TCEA1: variants seen among roughly 807,000 people sequenced by gnomAD.
TCEA1 encodes the protein transcription elongation factor A protein 1.
Under a neutral mutation model 43.8 loss-of-function variants are expected in TCEA1, and 21 were observed. The observed-to-expected ratio is 0.48, with a 90% CI of 0.34 to 0.69. The LOEUF is 0.69. Ranked by LOEUF, TCEA1 falls within the 30% of genes least tolerant of loss-of-function variation. The pLI, the probability that TCEA1 is intolerant of heterozygous loss-of-function variation, is 0.01. For missense variants in TCEA1, 250 were observed against 365.1 expected (o/e 0.68, Z 2.57); for synonymous variants, 104 against 117.5 (o/e 0.88, Z 0.75).
At chr8:53,999,638 G>A (rs1804189365) in intron 3 of TCEA1, 1 of 295,106 alleles carries the variant, frequency 3.4e-6, no homozygotes, top group Non-Finnish European at 6.2e-6. Flanking sequence ...TTTTCTGTAA[G>A]TCAAAAAATT....
At chr8:53,997,565 A>G (rs901914818) in intron 3 of TCEA1, among the ~76,000 whole-genome samples, 2 of 152,212 alleles carry the variant, frequency 1.3e-5, no homozygotes, top group African/African-American at 4.8e-5. Context: ...AATCATGAGA[A>G]AAAAGCAGGT....
intron 8 of TCEA1, among the ~76,000 whole-genome samples, chr8:53,975,608 A>G (rs960716596): frequency 2.0e-5 from 3 of 152,208 alleles, no homozygotes; most frequent in African/African-American, 7.2e-5. Context: ...AACCTTGCAG[A>G]TATTATGCTA....
intron 2 of TCEA1, among the ~76,000 whole-genome samples, chr8:54,005,576 C>T (rs1804412089): frequency 6.6e-6 from 1 of 152,160 alleles, no homozygotes; most frequent in South Asian, 2.1e-4. Context: ...CTAAATGGCA[C>T]CATCTACCCA....
chr8:54,008,738 A>T (rs1015232731), intron 2 of TCEA1, among the ~76,000 whole-genome samples: 1 of 152,062 alleles, frequency 6.6e-6, no homozygotes, highest in African/African-American at 2.4e-5. Flanking sequence ...GTCAACAGGT[A>T]TAAGAAAAAA....
At chr8:54,010,262 G>A in intron 2 of TCEA1, 168 bp downstream of exon 2, 1 of 573,506 alleles carries the variant, frequency 1.7e-6, no homozygotes, top group South Asian at 2.2e-5. Context: ...CTCTATAATG[G>A]CAACTTAGTA....
intron 1 of TCEA1, among the ~76,000 whole-genome samples, chr8:54,021,180 A>G (rs1805012890): frequency 6.6e-6 from 1 of 152,074 alleles, no homozygotes; most frequent in Non-Finnish European, 1.5e-5. Context: ...CAAGAGTTAA[A>G]CTCCGTCTCG....
chr8:53,989,927 G>A (rs899169889), intron 4 of TCEA1, among the ~76,000 whole-genome samples: 1 of 152,004 alleles, frequency 6.6e-6, no homozygotes, highest in Non-Finnish European at 1.5e-5. Flanking sequence ...ATGCCACCAT[G>A]CCCAGTTAAT....
intron 8 of TCEA1, among the ~76,000 whole-genome samples, chr8:53,971,033 A>G (rs755834487): frequency 2.6e-5 from 4 of 152,242 alleles, no homozygotes; most frequent in Non-Finnish European, 4.4e-5. Flanking sequence ...TAATTTTATA[A>G]CAGCACAACA....
chr8:54,007,535 G>C (rs947861391), intron 2 of TCEA1, among the ~76,000 whole-genome samples: 3 of 152,062 alleles, frequency 2.0e-5, no homozygotes, highest in Non-Finnish European at 2.9e-5. Flanking sequence ...ACAATAATGA[G>C]CAATTTCAAT....
chr8:53,973,546 CA>C (rs1273399193), intron 8 of TCEA1: 5 of 521,000 alleles, frequency 9.6e-6, no homozygotes, highest in Non-Finnish European at 1.8e-5. Flanking sequence ...AAGAAGAAAC[CA>C]AAATAGAAAG....
intron 7 of TCEA1, among the ~76,000 whole-genome samples, chr8:53,980,375 G>C (rs1803466279): frequency 6.6e-6 from 1 of 152,190 alleles, no homozygotes; most frequent in African/African-American, 2.4e-5. Flanking sequence ...GCACTTTGCA[G>C]TTACTGCATT....
intron 3 of TCEA1, among the ~76,000 whole-genome samples, chr8:53,995,868 T>C (rs1804037508): frequency 6.6e-6 from 1 of 152,216 alleles, no homozygotes; most frequent in African/African-American, 2.4e-5. Context: ...TTGTCAAACC[T>C]AAAACACAAT....
rs570757660 is a variant in TCEA1, at chr8:53,975,928, AG to A, written c.825+3096del. Among the ~76,000 whole-genome samples the A allele has an allele frequency of 2.4e-4, 36 of 152,332 alleles. No individual in the cohort carries two copies. The South Asian group carries it at 5.6e-3, about 24-fold the overall frequency. On this transcript the variant is annotated intron_variant, in intron 8 of 9. Coordinates refer to ENST00000521604, the MANE Select transcript of TCEA1 (RefSeq NM_006756.4). Reference sequence around the variant, plus strand: ...CAACTACTTTTTTTAAAACTTAAAAAGAGAACTCAGCAAGAAAAAAAGCTAA... The same window carrying A: ...CAACTACTTTTTTTAAAACTTAAAAAAGAACTCAGCAAGAAAAAAAGCTAA...
chr8:53,990,507 A>G (rs1803843739), intron 4 of TCEA1, among the ~76,000 whole-genome samples: 1 of 151,986 alleles, frequency 6.6e-6, no homozygotes, highest in Non-Finnish European at 1.5e-5. Flanking sequence ...GACCACAGGC[A>G]TGTGCCATCA....
At chr8:53,996,483 T>A in intron 3 of TCEA1, among the ~76,000 whole-genome samples, 1 of 152,242 alleles carries the variant, frequency 6.6e-6, no homozygotes, top group Non-Finnish European at 1.5e-5. Flanking sequence ...GCTTGGCACA[T>A]CTTAAGTACT....
chr8:53,971,907 T>C (rs1018064869), intron 8 of TCEA1: 5 of 186,056 alleles, frequency 2.7e-5, no homozygotes, highest in Non-Finnish European at 1.1e-5. Context: ...ATGAAAACCA[T>C]GTAAATCTAA....
At chr8:53,990,505 G>T (rs952185483) in intron 4 of TCEA1, among the ~76,000 whole-genome samples, 1 of 151,944 alleles carries the variant, frequency 6.6e-6, no homozygotes, top group Non-Finnish European at 1.5e-5. Flanking sequence ...GGGACCACAG[G>T]CATGTGCCAT....
Position 53,999,024 on chromosome 8 carries a change from C to T in TCEA1, c.232+921G>A, listed in dbSNP as rs367761427. Among the ~76,000 whole-genome samples, 599 of 152,058 alleles carry T rather than the reference C, an allele frequency of 3.9e-3. 3 individuals carry two copies. The highest frequency in any genetic ancestry group is 0.013 in the African/African-American group (519 of 41,494). ...CGGGCAGATCACAAGGTCAGGTGAT[C>T]GAGACCACCCTGGCTAACACGGTGA... On this transcript the variant is annotated intron_variant, in intron 3 of 9. Transcript: ENST00000521604.
intron 2 of TCEA1, 122 bp downstream of exon 2, chr8:54,010,308 T>C: frequency 2.8e-6 from 2 of 713,036 alleles, no homozygotes; most frequent in East Asian, 3.1e-5. Context: ...TAAAAAAAAA[T>C]AGCAGTTAGT....
Sources: gnomAD v4.1 joint callset for allele counts (sites outside exome capture counted in the v4.1 genomes callset) on GRCh38, gnomAD v4.1.1 for gene constraint, MANE v1.5 for transcripts, NCBI Gene and HGNC (gene_info 2026-07-23, HGNC 2026-07-21) for gene names.